TELO2: variants seen among roughly 807,000 people sequenced by gnomAD.
TELO2 encodes telomere length regulation protein TEL2 homolog.
In TELO2, 71 loss-of-function variants were observed where a neutral mutation model predicts 91.0. The observed-to-expected ratio is 0.78, with a 90% confidence interval of 0.64 to 0.95. TELO2 has a LOEUF of 0.95. TELO2 is among the 40% of genes least tolerant of loss of function. The pLI is 0.00. For synonymous variants in TELO2, 584 were observed against 518.9 expected (o/e 1.13, Z -1.71); for missense variants, 1,183 against 1,141.3 (o/e 1.04, Z -0.53).
chr16:1,503,119 C>T (rs891308378), intron 15 of TELO2, 117 bp downstream of exon 15: 14 of 1,150,462 alleles, frequency 1.2e-5, no homozygotes, highest in Non-Finnish European at 1.5e-5. Flanking sequence ...GGCCTGTCCA[C>T]TGCCTTCGTG....
At position 1,500,460 on chromosome 16, in the gene TELO2, G is replaced by A; in HGVS notation, c.1116G>A (p.Gly372=). The change falls in exon 8 of 21, where the codon GGG becomes GGA. Residue 372 remains glycine (G), a synonymous_variant. Coordinates refer to ENST00000262319, the MANE Select transcript of TELO2 (RefSeq NM_016111.4). ...TCCTCATCTGCCTGGCGCAACTCGGGGAGCCGGAACTGCGGGACAGCCGGG... is the reference window on the plus strand; with the variant it reads ...TCCTCATCTGCCTGGCGCAACTCGGAGAGCCGGAACTGCGGGACAGCCGGG... The part of the protein sequence containing the change: ...KAVLICLAQL[G]EPELRDSRDE... 3 of 1,610,868 alleles carry A rather than the reference G, an allele frequency of 1.9e-6. No homozygotes were observed. The highest frequency in any genetic ancestry group is 2.5e-6 in the Non-Finnish European group (3 of 1,179,390).
chr16:1,495,644 C>T (rs767796137), intron 3 of TELO2, 21 bp downstream of exon 3: 10 of 1,562,488 alleles, frequency 6.4e-6, no homozygotes, highest in East Asian at 2.3e-5. Flanking sequence ...GCCTCGGGGA[C>T]CCCCTTTGCC....
rs1388517200 is a variant in TELO2 at position 1,503,384 on chromosome 16, A to C, written c.1842+382A>C. On this transcript the variant is annotated intron_variant, in intron 15 of 20. Transcript: ENST00000262319. ...AGTTCGAGACCCGCTTGGGCACCAC[A>C]ATGAGACTCCATCTTTATTAGCCAA... is the stretch of plus-strand genomic sequence containing the variant. Among the ~76,000 whole-genome samples the C allele has an allele frequency of 2.6e-5, 4 of 152,072 alleles. No homozygotes were observed. The East Asian group carries it at 7.7e-4, about 29-fold the overall frequency.
In TELO2 at chr16:1,501,487, C is replaced by A; in HGVS notation, c.1349C>A (p.Ala450Asp). Residue 450 changes from alanine to aspartate, a missense_variant, in exon 10 of 21, where the codon GCC becomes GAC. By Grantham distance (126) the Ala-to-Asp change is moderately radical. Transcript: ENST00000262319. ...LASPQPAGDG[A>D]SEAGTSLVPA... is the part of the protein sequence containing the mutation. ...TCCCCCCAGCCTGCGGGTGACGGCG[C>A]CTCGGAGGCGGGGTGAGGGTCTCTG... The A allele has an allele frequency of 6.2e-7, 1 of 1,609,704 alleles. No individual in the cohort carries two copies.
rs2039543525 is a variant in TELO2 at position 1,497,681 on chromosome 16, C to G, written c.830+173C>G. Among the ~76,000 whole-genome samples, 1 of 152,184 alleles carries G rather than the reference C, an allele frequency of 6.6e-6. No homozygotes were observed. The highest frequency in any genetic ancestry group is 1.5e-5 in the Non-Finnish European group (1 of 68,026). Reference sequence around the variant, plus strand: ...AGTTCCCGCACGTGCTGATGGTGACCTCTGTATCAGAGGGTCCCTTTCTCT... The same window carrying G: ...AGTTCCCGCACGTGCTGATGGTGACGTCTGTATCAGAGGGTCCCTTTCTCT... On this transcript the variant is annotated intron_variant, in intron 5 of 20. Coordinates refer to ENST00000262319, the MANE Select transcript of TELO2 (RefSeq NM_016111.4). The surrounding 1 kb of genome is among the most constrained non-coding windows in gnomAD (Gnocchi z 4.0).
chr16:1,504,845 G>A (rs1222789725), intron 15 of TELO2, among the ~76,000 whole-genome samples: 2 of 151,782 alleles, frequency 1.3e-5, no homozygotes, highest in Admixed American at 1.3e-4. Flanking sequence ...CTTGGGTGGC[G>A]TTCGGAACAT....
chr16:1,509,341 C>A lies in TELO2; in HGVS notation c.2408-489C>A, dbSNP rs192067757. Among the ~76,000 whole-genome samples, 298 of 152,308 alleles carry A rather than the reference C, an allele frequency of 2.0e-3. 1 individual carries two copies. Among genetic ancestry groups the A allele is most frequent in the African/African-American group, 6.9e-3 (288 of 41,570 alleles). On this transcript the variant is annotated intron_variant, in intron 20 of 20. Coordinates refer to ENST00000262319, the MANE Select transcript of TELO2 (RefSeq NM_016111.4). ...AGGAGCTGTGGCCAGCAGAGCCCCC[C>A]CAAGGCTCCCCGGGGCCCCAGGCTG... is the stretch of plus-strand genomic sequence containing the variant.
chr16:1,501,506 G>A lies in TELO2; in HGVS notation c.1361+7G>A, dbSNP rs769277009. ...ACGGCGCCTCGGAGGCGGGGTGAGG[G>A]TCTCTGCCCCCCGGGACCCCACCGC... On this transcript the variant is annotated splice_region_variant and intron_variant, in intron 10 of 20. Transcript: ENST00000262319. The A allele has an allele frequency of 5.9e-5, 94 of 1,604,930 alleles. No homozygotes were observed. Among genetic ancestry groups the A allele is most frequent in the Non-Finnish European group, 7.5e-5 (88 of 1,175,522 alleles).
Position 1,510,085 on chromosome 16 carries a change from GC to G in TELO2, c.*151del. On this transcript the variant is annotated 3_prime_UTR_variant, in exon 21 of 21. Coordinates refer to ENST00000262319, the MANE Select transcript of TELO2 (RefSeq NM_016111.4). Reference sequence around the variant, plus strand: ...GTGCAGATGCAGGAAGGCCCGGCCTGCCGCTATTTATAGTGCAGCCAGTCCG... The same window carrying G: ...GTGCAGATGCAGGAAGGCCCGGCCTGCGCTATTTATAGTGCAGCCAGTCCG... The G allele has an allele frequency of 1.5e-6, 1 of 661,220 alleles. No homozygotes were observed. Among genetic ancestry groups the G allele is most frequent in the Non-Finnish European group, 2.6e-6 (1 of 389,328 alleles). 41.0% of individuals were successfully genotyped at this position (661,220 alleles called of 1,614,324 possible).
intron 15 of TELO2, among the ~76,000 whole-genome samples, chr16:1,503,803 G>A (rs1034668080): frequency 1.3e-5 from 2 of 152,112 alleles, no homozygotes; most frequent in Admixed American, 1.3e-4. Flanking sequence ...CATCATGAAC[G>A]TACTTATTAA....
chr16:1,506,206 A>G (rs1274456027), intron 16 of TELO2, 32 bp from the exon 17 acceptor site: 2 of 1,610,738 alleles, frequency 1.2e-6, no homozygotes, highest in Middle Eastern at 1.7e-4. Context: ...CCAAGCCTGC[A>G]CCTCCGTGAT....
In TELO2 at chr16:1,500,629, G is replaced by T. The variant is rs750531572; in HGVS notation, c.1211G>T (p.Arg404Leu). Reference protein sequence around the residue: ...RLDSSLPPVRRLGMIVAEVVS... With the variant: ...RLDSSLPPVRLLGMIVAEVVS... ...GACAGTAGCCTGCCCCCCGTGCGACGCCTGGGCATGATCGTGGCAGAGGTC... is the reference window on the plus strand; with the variant it reads ...GACAGTAGCCTGCCCCCCGTGCGACTCCTGGGCATGATCGTGGCAGAGGTC... Residue 404 changes from arginine to leucine, a missense_variant, in exon 9 of 21, where the codon CGC becomes CTC. Arg to Leu is a moderately radical substitution (Grantham distance 102). Coordinates refer to ENST00000262319, the MANE Select transcript of TELO2 (RefSeq NM_016111.4). 6.2e-7 allele frequency: 1 copy of T among 1,612,516 alleles called. No homozygotes were observed. The highest frequency in any genetic ancestry group is 8.5e-7 in the Non-Finnish European group (1 of 1,179,806).
At position 1,505,250 on chromosome 16, in the gene TELO2, T is replaced by C. The variant is rs2039846857; in HGVS notation, c.1843-160T>C. 3 of 816,490 alleles carry C rather than the reference T, an allele frequency of 3.7e-6. No individual in the cohort carries two copies. In the African/African-American group the frequency reaches 5.2e-5, roughly 14 times the overall value. 50.6% of individuals were successfully genotyped at this position (816,490 alleles called of 1,614,324 possible). A position where few individuals can be genotyped will look rare whatever the true frequency, so the allele number is the denominator to read the frequency against. Reference sequence around the variant, plus strand: ...CCCGCCTACCAAGGCGCGGTTGCTGTGAGCTACGGGGAAGTGACTTTTCTC... The same window carrying C: ...CCCGCCTACCAAGGCGCGGTTGCTGCGAGCTACGGGGAAGTGACTTTTCTC... On this transcript the variant is annotated intron_variant, in intron 15 of 20. Coordinates refer to ENST00000262319, the MANE Select transcript of TELO2 (RefSeq NM_016111.4). This position sits in a 1 kb window ranked among gnomAD's most constrained non-coding sequence, Gnocchi z 4.3.
At chr16:1,502,172 G>T (rs778865365) in intron 12 of TELO2, 37 bp downstream of exon 12, 2 of 1,610,170 alleles carry the variant, frequency 1.2e-6, no homozygotes, top group East Asian at 2.2e-5. Context: ...GCTGGGCTGG[G>T]CATGGGTCCC....
At position 1,495,198 on chromosome 16, in the gene TELO2, A is replaced by T. The variant is rs1596248345; in HGVS notation, c.336-148A>T. The T allele has an allele frequency of 7.5e-6, 9 of 1,197,212 alleles. No homozygotes were observed. The African/African-American group carries it at 7.7e-5, about 10-fold the overall frequency. The allele number at this position is 1,197,212 out of a possible 1,614,324, so 74.2% of individuals were successfully genotyped here. A position where few individuals can be genotyped will look rare whatever the true frequency, so the allele number is the denominator to read the frequency against. The stretch of plus-strand genomic sequence containing the variant: ...CAGTTATTTAGGAATGGATTAACAG[A>T]TTTTCCCATCCGGCTTGTGGTTTTG... On this transcript the variant is annotated intron_variant, in intron 2 of 20. Coordinates refer to ENST00000262319, the MANE Select transcript of TELO2 (RefSeq NM_016111.4).
chr16:1,505,682 G>A lies in TELO2; in HGVS notation c.2034+81G>A, dbSNP rs868448924. On this transcript the variant is annotated intron_variant, in intron 16 of 20. Coordinates refer to ENST00000262319, the MANE Select transcript of TELO2 (RefSeq NM_016111.4). The surrounding 1 kb of genome is among the most constrained non-coding windows in gnomAD (Gnocchi z 4.3). ...GGGCGGTCAGACACCTCCAGGCGCT[G>A]TCTGCAGCGAGGGGCGGCCACATTC... is the stretch of plus-strand genomic sequence containing the variant. The A allele has an allele frequency of 6.7e-7, 1 of 1,486,770 alleles. No individual in the cohort carries two copies. The highest frequency in any genetic ancestry group is 9.0e-7 in the Non-Finnish European group (1 of 1,110,050). The allele number at this position is 1,486,770 out of a possible 1,614,324, so 92.1% of individuals were successfully genotyped here.
At chr16:1,508,758 C>G (rs1466974794) in intron 20 of TELO2, among the ~76,000 whole-genome samples, 1 of 152,214 alleles carries the variant, frequency 6.6e-6, no homozygotes, top group African/African-American at 2.4e-5. Context: ...CAACGAGTCC[C>G]CGGGGACGGG....
rs766484099 is a variant in TELO2, at chr16:1,507,071, C to G, written c.2226+20C>G. ...ACCACGGTGAGCCGGGAGAGGTCGCCGGGCGCCGGCCTGTGCTAACCATGG... is the reference window on the plus strand; with the variant it reads ...ACCACGGTGAGCCGGGAGAGGTCGCGGGGCGCCGGCCTGTGCTAACCATGG... On this transcript the variant is annotated intron_variant, in intron 18 of 20. Transcript: ENST00000262319. 8 of 1,585,544 alleles carry G rather than the reference C, an allele frequency of 5.0e-6. No homozygotes were observed. The highest frequency in any genetic ancestry group is 6.9e-6 in the Non-Finnish European group (8 of 1,165,908).
At position 1,502,049 on chromosome 16, in the gene TELO2, A is replaced by G; in HGVS notation, c.1475A>G (p.Asp492Gly). The G allele has an allele frequency of 6.2e-7, 1 of 1,613,288 alleles. No homozygotes were observed. The highest frequency in any genetic ancestry group is 8.5e-7 in the Non-Finnish European group (1 of 1,179,956). Residue 492 changes from aspartate (D) to glycine (G), a missense_variant and splice_region_variant, in exon 12 of 21, where the codon GAT becomes GGT. Transcript: ENST00000262319. ...ATGTCTGCTTTGCTCTCCCACAGCG[A>G]TGATGAGTTTGTCCCCTACGACATG... The part of the protein sequence containing the change: ...LAGSDSDLDS[D>G]DEFVPYDMSG...
Sources: allele counts gnomAD v4.1 joint callset (sites outside exome capture counted in the v4.1 genomes callset), GRCh38; gene constraint gnomAD v4.1.1; non-coding constraint Gnocchi (gnomAD v3.1); transcripts MANE v1.5; gene names NCBI Gene and HGNC (gene_info 2026-07-23, HGNC 2026-07-21).